IKZF2: variants seen among roughly 807,000 people sequenced by gnomAD.
IKZF2 encodes zinc finger protein Helios.
A neutral mutation model predicts 49.2 loss-of-function variants in IKZF2; 15 were observed. That is an observed-to-expected ratio of 0.30 (90% CI 0.20 to 0.47). The LOEUF (loss-of-function observed/expected upper bound fraction) is 0.47, where lower values mean the gene tolerates loss of function less well. IKZF2 is among the 20% of genes least tolerant of loss of function. The pLI is 1.00. For missense variants in IKZF2, 567 were observed against 664.6 expected, an observed-to-expected ratio of 0.85 and a Z score of 1.61; for synonymous variants, 227 against 221.4, an observed-to-expected ratio of 1.03 and a Z score of -0.23.
At position 213,104,297 on chromosome 2, in the gene IKZF2, T is replaced by G. The variant is rs544795866; in HGVS notation, c.139+43411A>C. Among the ~76,000 whole-genome samples, 76 of 150,878 alleles carry G rather than the reference T, an allele frequency of 5.0e-4. 1 individual carries two copies. Among genetic ancestry groups the G allele is most frequent in the East Asian group, 1.9e-4 (1 of 5,144 alleles). On this transcript the variant is annotated intron_variant, in intron 4 of 8. Transcript: ENST00000434687. Reference sequence around the variant, plus strand: ...AAAAAGAAAAAGAAAAAGTTACAACTCAAATTCTGTAGTAAACCACAGGGC... The same window carrying G: ...AAAAAGAAAAAGAAAAAGTTACAACGCAAATTCTGTAGTAAACCACAGGGC...
chr2:213,091,052 G>T lies in IKZF2; in HGVS notation c.140-33953C>A, dbSNP rs550027257. 1.6e-4 allele frequency among the ~76,000 whole-genome samples: 24 copies of T among 152,244 alleles called. No homozygotes were observed. In the South Asian group the frequency reaches 4.8e-3, roughly 30 times the overall value. On this transcript the variant is annotated intron_variant, in intron 4 of 8. Transcript: ENST00000434687. ...GACACTACAGCAAGAACATTTTGAA[G>T]TCCTTCAGAGGAAAGGAAAGGTGCC...
rs111602305 is a variant in IKZF2 at position 213,066,697 on chromosome 2, TTTG to T, written c.140-9601_140-9599del. On this transcript the variant is annotated intron_variant, in intron 4 of 8. Coordinates refer to ENST00000434687, the MANE Select transcript of IKZF2 (RefSeq NM_001387220.1). The stretch of plus-strand genomic sequence containing the variant: ...ATTTTCCACAATGTAGCAGCAGCAG[TTTG>T]TTGTTGTTGTTGTTGTTCTTCTTCT... Among the ~76,000 whole-genome samples the T allele has an allele frequency of 2.6e-5, 4 of 152,048 alleles. 1 individual carries two copies. Among genetic ancestry groups the T allele is most frequent in the South Asian group, 4.1e-4 (2 of 4,822 alleles).
chr2:213,067,494 G>A (rs1553564563), intron 4 of IKZF2, among the ~76,000 whole-genome samples: 1 of 152,078 alleles, frequency 6.6e-6, no homozygotes, highest in Non-Finnish European at 1.5e-5. Context: ...ACACTCAATG[G>A]ATAATATACA....
chr2:213,092,998 C>G (rs1530237), intron 4 of IKZF2, among the ~76,000 whole-genome samples: 1 of 152,094 alleles, frequency 6.6e-6, no homozygotes, highest in African/African-American at 2.4e-5. Flanking sequence ...TGGCAGACTT[C>G]TATTAATGAA....
chr2:213,121,753 C>A lies in IKZF2; in HGVS notation c.139+25955G>T, dbSNP rs186721202. On this transcript the variant is annotated intron_variant, in intron 4 of 8. Transcript: ENST00000434687. ...AAATGGCCATTATTACATATTTGTA[C>A]AAAAAACTAAATAGAATAATATCTG... Among the ~76,000 whole-genome samples the A allele has an allele frequency of 1.7e-4, 26 of 152,272 alleles. No individual in the cohort carries two copies. In the East Asian group the frequency reaches 4.8e-3, roughly 28 times the overall value.
At chr2:213,010,371 G>T (rs1186575824) in intron 8 of IKZF2, among the ~76,000 whole-genome samples, 1 of 152,034 alleles carries the variant, frequency 6.6e-6, no homozygotes, top group African/African-American at 2.4e-5. Context: ...CATAGATCAG[G>T]GAAAGTGGGG....
chr2:213,103,495 A>AGAAT (rs2059418857), intron 4 of IKZF2, among the ~76,000 whole-genome samples: 1 of 152,198 alleles, frequency 6.6e-6, no homozygotes, highest in Admixed American at 6.5e-5. Context: ...AGTGAATGAG[A>AGAAT]GAATGAATGA....
intron 7 of IKZF2, among the ~76,000 whole-genome samples, chr2:213,018,620 T>C (rs955087318): frequency 4.6e-5 from 7 of 152,166 alleles, no homozygotes; most frequent in Admixed American, 2.0e-4. Flanking sequence ...GTTACCCTAG[T>C]GGCCCCCCAT....
At chr2:213,081,908 G>A (rs530582229) in intron 4 of IKZF2, among the ~76,000 whole-genome samples, 68 of 152,234 alleles carry the variant, frequency 4.5e-4, no homozygotes, top group Admixed American at 1.4e-3. Context: ...GTCCATTAAG[G>A]ATATTCAATT....
At chr2:213,096,386 C>A (rs1452049065) in intron 4 of IKZF2, among the ~76,000 whole-genome samples, 1 of 151,788 alleles carries the variant, frequency 6.6e-6, no homozygotes, top group Admixed American at 6.6e-5. Flanking sequence ...TAAACCAGTA[C>A]CTAAACCTAC....
chr2:213,024,017 T>G (rs1018540098), intron 6 of IKZF2, among the ~76,000 whole-genome samples: 1 of 152,140 alleles, frequency 6.6e-6, no homozygotes, highest in Admixed American at 6.6e-5. Context: ...GGAAGAGACA[T>G]GTAGTTTTTA....
chr2:213,005,192 G>GGGGGT lies in IKZF2; in HGVS notation c.*2167_*2168insACCCC, dbSNP rs1553539342. On this transcript the variant is annotated 3_prime_UTR_variant, in exon 9 of 9. Coordinates refer to ENST00000434687, the MANE Select transcript of IKZF2 (RefSeq NM_001387220.1). Reference sequence around the variant, plus strand: ...AATTATTATTTGGGAGTGGTTGGGTGGGGGGGGGTGAGCGAGTCTCAAAAA... The same window carrying GGGGGT: ...AATTATTATTTGGGAGTGGTTGGGTGGGGGTGGGGGGGGTGAGCGAGTCTCAAAAA... 2.5e-5 allele frequency: 1 copy of GGGGGT among 39,984 alleles called. No individual in the cohort carries two copies. The highest frequency in any genetic ancestry group is 6.4e-5 in the Non-Finnish European group (1 of 15,690). 2.5% of individuals were successfully genotyped at this position (39,984 alleles called of 1,614,324 possible).
At chr2:213,087,678 T>C (rs1022551428) in intron 4 of IKZF2, among the ~76,000 whole-genome samples, 2 of 152,054 alleles carry the variant, frequency 1.3e-5, no homozygotes, top group Non-Finnish European at 2.9e-5. Context: ...CAGGCCCCAG[T>C]GTGTGATGTT....
At chr2:213,059,178 T>C (rs1701449622) in intron 4 of IKZF2, among the ~76,000 whole-genome samples, 1 of 151,796 alleles carries the variant, frequency 6.6e-6, no homozygotes, top group Non-Finnish European at 1.5e-5. Context: ...TCAGAATTAT[T>C]TATCAAAGTT....
At chr2:213,100,690 A>C (rs974854153) in intron 4 of IKZF2, among the ~76,000 whole-genome samples, 1 of 152,038 alleles carries the variant, frequency 6.6e-6, no homozygotes, top group Non-Finnish European at 1.5e-5. Context: ...TAAATTTTTT[A>C]AGGAAGTTCC....
chr2:213,038,719 A>C lies in IKZF2; in HGVS notation c.574+10994T>G, dbSNP rs185051513. Among the ~76,000 whole-genome samples, 4 of 152,314 alleles carry C rather than the reference A, an allele frequency of 2.6e-5. No individual in the cohort carries two copies. In the East Asian group the frequency reaches 5.8e-4, roughly 22 times the overall value. Reference sequence around the variant, plus strand: ...AGATAATTTAAATAAAACAAAATAGAAACTGGTGTATTATAAAAGAGAGTA... The same window carrying C: ...AGATAATTTAAATAAAACAAAATAGCAACTGGTGTATTATAAAAGAGAGTA... On this transcript the variant is annotated intron_variant, in intron 6 of 8. Coordinates refer to ENST00000434687, the MANE Select transcript of IKZF2 (RefSeq NM_001387220.1).
rs561987394 is a variant in IKZF2, at chr2:213,037,755, G to T, written c.574+11958C>A. Among the ~76,000 whole-genome samples, 6 of 152,264 alleles carry T rather than the reference G, an allele frequency of 3.9e-5. No individual in the cohort carries two copies. In the East Asian group the frequency reaches 1.2e-3, roughly 29 times the overall value. The stretch of plus-strand genomic sequence containing the variant: ...CATGTGTGCAACTGACACTGCTTGT[G>T]TAATTATCAGTATAATCCACCTCTA... On this transcript the variant is annotated intron_variant, in intron 6 of 8. Transcript: ENST00000434687.
At chr2:213,106,658 A>G (rs28427332) in intron 4 of IKZF2, among the ~76,000 whole-genome samples, 1 of 149,546 alleles carries the variant, frequency 6.7e-6, no homozygotes, top group Admixed American at 6.7e-5. Context: ...AAAAAAAAAG[A>G]AAAAAGAAAA....
chr2:213,150,153 T>C lies in IKZF2; in HGVS notation c.-25A>G, dbSNP rs576840982. ...AACGAAATGTACATACAAAAGAAAT[T>C]GTCCTTTGATTAAAAAAGATTCATC... On this transcript the variant is annotated 5_prime_UTR_variant, in exon 2 of 9. Coordinates refer to ENST00000434687, the MANE Select transcript of IKZF2 (RefSeq NM_001387220.1). 8.8e-5 allele frequency: 115 copies of C among 1,301,428 alleles called. 2 individuals are homozygous for C. In the South Asian group the frequency reaches 1.4e-3, roughly 16 times the overall value. 80.6% of individuals were successfully genotyped at this position (1,301,428 alleles called of 1,614,324 possible).
Sources: gnomAD v4.1 joint callset for allele counts (sites outside exome capture counted in the v4.1 genomes callset) on GRCh38, gnomAD v4.1.1 for gene constraint, MANE v1.5 for transcripts, NCBI Gene and HGNC (gene_info 2026-07-23, HGNC 2026-07-21) for gene names.